KIAA1614: variants seen among roughly 807,000 people sequenced by gnomAD.
KIAA1614 encodes KIAA1614, also known as uncharacterized protein KIAA1614.
Under a neutral mutation model 88.7 loss-of-function variants are expected in KIAA1614, and 76 were observed. The ratio of observed to expected loss-of-function variants is 0.86; its 90% CI spans 0.71 to 1.04. The LOEUF (loss-of-function observed/expected upper bound fraction) is 1.04, where lower values mean the gene tolerates loss of function less well. Among genes scored for constraint, KIAA1614 ranks in the 50% least tolerant of loss-of-function variants. The pLI, the probability that KIAA1614 is intolerant of heterozygous loss-of-function variation, is 0.00. For missense variants in KIAA1614, 1,553 were observed against 1,582.5 expected (o/e 0.98, Z 0.32); for synonymous variants, 714 against 675.5 (o/e 1.06, Z -0.88).
chr1:180,931,738 A>T (rs1019777060), intron 4 of KIAA1614, among the ~76,000 whole-genome samples: 1 of 152,254 alleles, frequency 6.6e-6, no homozygotes, highest in Non-Finnish European at 1.5e-5. Flanking sequence ...AGTTAAGACC[A>T]CTGATGTGGC....
intron 1 of KIAA1614, among the ~76,000 whole-genome samples, chr1:180,915,663 G>A (rs3908047): frequency 0.055 from 8,363 of 152,120 alleles, 318 homozygotes; most frequent in Non-Finnish European, 0.077. Flanking sequence ...CCCAACCCCC[G>A]GGGCCACGAA....
intron 2 of KIAA1614, among the ~76,000 whole-genome samples, chr1:180,917,398 T>C (rs1427106330): frequency 6.6e-6 from 1 of 152,134 alleles, no homozygotes; most frequent in Non-Finnish European, 1.5e-5. Flanking sequence ...CTTGGATTCC[T>C]TTCCGGAGTG....
At position 180,935,037 on chromosome 1, in the gene KIAA1614, G is replaced by A; in HGVS notation, c.1206-78G>A. ...ACGGTGGGAGACTGTAGCCCAGGGT[G>A]GAGAGGGTAGGGCCGATGCGTGTCC... On this transcript the variant is annotated intron_variant, in intron 4 of 8. Transcript: ENST00000367588. This position sits in a 1 kb window ranked among gnomAD's most constrained non-coding sequence, Gnocchi z 6.1. 2.0e-6 allele frequency: 2 copies of A among 1,024,388 alleles called. No homozygotes were observed. The highest frequency in any genetic ancestry group is 1.3e-6 in the Non-Finnish European group (1 of 775,550). The allele number at this position is 1,024,388 out of a possible 1,614,324, so 63.5% of individuals were successfully genotyped here.
In KIAA1614 at chr1:180,935,914, T is replaced by A. The variant is rs780530111; in HGVS notation, c.2005T>A (p.Trp669Arg). 1 of 1,613,960 alleles carries A rather than the reference T, an allele frequency of 6.2e-7. No individual in the cohort carries two copies. Among genetic ancestry groups the A allele is most frequent in the Admixed American group, 1.7e-5 (1 of 60,032 alleles). ...CAAGAAGGCTGAGGCGGAGCTCCCT[T>A]GGGGCCTTCAGGCCCAGCAACACCT... ...WSKKAEAELP[W>R]GLQAQQHLPR... is the part of the protein sequence containing the mutation. The change falls in exon 5 of 9, where the codon TGG (tryptophan) becomes AGG (arginine). Residue 669 changes from tryptophan (W) to arginine (R), a missense_variant. Transcript: ENST00000367588. The surrounding 1 kb of genome is among the most constrained non-coding windows in gnomAD (Gnocchi z 6.1).
Position 180,917,859 on chromosome 1 carries a change from G to A in KIAA1614, c.1006G>A (p.Val336Met), listed in dbSNP as rs975593870. Reference protein sequence around the residue: ...SWDTAAPERPVGDVDWASGTS... With the variant: ...SWDTAAPERPMGDVDWASGTS... ...TCTGTTCTGGATCCTAGAGCGACCA[G>A]TGGGGGATGTGGACTGGGCCTCGGG... Residue 336 changes from valine (V) to methionine (M), a missense_variant, in exon 3 of 9, where the codon GTG becomes ATG. Coordinates refer to ENST00000367588, the MANE Select transcript of KIAA1614 (RefSeq NM_020950.2). The A allele has an allele frequency of 1.2e-6, 2 of 1,614,016 alleles. No homozygotes were observed. The highest frequency in any genetic ancestry group is 1.7e-6 in the Non-Finnish European group (2 of 1,179,960).
rs2102272820 is a variant in KIAA1614 at position 180,938,687 on chromosome 1, G to C, written c.2894G>C (p.Gly965Ala). ...GGAAGCCTGCAGAGGACAGGGTCAG[G>C]ATCTGGAGGACATGTGCTGTCAAGG... is the stretch of plus-strand genomic sequence containing the variant. ...SEGSLQRTGS[G>A]SGGHVLSRAS... Residue 965 changes from glycine (G) to alanine (A), a missense_variant, in exon 6 of 9, where the codon GGA (glycine) becomes GCA (alanine). Coordinates refer to ENST00000367588, the MANE Select transcript of KIAA1614 (RefSeq NM_020950.2). The C allele has an allele frequency of 1.2e-6, 2 of 1,614,114 alleles. No homozygotes were observed. The highest frequency in any genetic ancestry group is 8.5e-7 in the Non-Finnish European group (1 of 1,179,974).
At chr1:180,913,365 G>A (rs1329796932) in intron 1 of KIAA1614, 72 bp downstream of exon 1, 4 of 1,041,560 alleles carry the variant, frequency 3.8e-6, no homozygotes, top group South Asian at 4.8e-5. Context: ...GGAGCGGGGA[G>A]CCCAGGTCGC....
rs576757366 is a variant in KIAA1614 at position 180,913,232 on chromosome 1, C to A, written c.-12C>A. On this transcript the variant is annotated 5_prime_UTR_variant, in exon 1 of 9. Transcript: ENST00000367588. ...GGAGAAGGGGCTGGAGAGGGCCTGG[C>A]CTCTCCGAGGGATGGAGGGGACAGA... The A allele has an allele frequency of 2.4e-6, 3 of 1,263,260 alleles. No homozygotes were observed. The Admixed American group carries it at 1.2e-4, about 52-fold the overall frequency. The allele number at this position is 1,263,260 out of a possible 1,614,324, so 78.3% of individuals were successfully genotyped here. A position where few individuals can be genotyped will look rare whatever the true frequency, so the allele number is the denominator to read the frequency against.
intron 3 of KIAA1614, among the ~76,000 whole-genome samples, chr1:180,926,638 T>C (rs1407603945): frequency 6.6e-6 from 1 of 152,242 alleles, no homozygotes; most frequent in African/African-American, 2.4e-5. Flanking sequence ...TTGTGACAAA[T>C]GCCCTCTGAC....
chr1:180,936,747 A>C, intron 5 of KIAA1614, 77 bp downstream of exon 5: 1 of 939,596 alleles, frequency 1.1e-6, no homozygotes, highest in Non-Finnish European at 1.5e-6. Context: ...CCAATCCATG[A>C]CACACAGGCC....
intron 3 of KIAA1614, among the ~76,000 whole-genome samples, chr1:180,919,641 T>C (rs1319771779): frequency 6.6e-6 from 1 of 152,142 alleles, no homozygotes; most frequent in Non-Finnish European, 1.5e-5. Context: ...CACTGGGGAT[T>C]CTGCTCAGTG....
chr1:180,940,188 C>T (rs1340018349), intron 6 of KIAA1614, among the ~76,000 whole-genome samples: 5 of 152,220 alleles, frequency 3.3e-5, no homozygotes, highest in African/African-American at 4.8e-5. Flanking sequence ...GAGGCTGACA[C>T]ATAGTAGGTC....
intron 3 of KIAA1614, among the ~76,000 whole-genome samples, chr1:180,920,113 G>A (rs574026370): frequency 1.3e-5 from 2 of 152,266 alleles, no homozygotes; most frequent in South Asian, 2.1e-4. Flanking sequence ...CTGAGTAGAC[G>A]CCCAGGCTAT....
chr1:180,921,495 A>C (rs1385244237), intron 3 of KIAA1614, among the ~76,000 whole-genome samples: 1 of 152,078 alleles, frequency 6.6e-6, no homozygotes, highest in East Asian at 1.9e-4. Context: ...TCTAGCTGCC[A>C]AGTATTGGAG....
chr1:180,940,765 T>C (rs1166759280), intron 6 of KIAA1614, among the ~76,000 whole-genome samples: 1 of 151,702 alleles, frequency 6.6e-6, no homozygotes, highest in African/African-American at 2.4e-5. Context: ...CCAGGTTGAG[T>C]GCAGTGGCGT....
intron 6 of KIAA1614, 33 bp from the exon 7 acceptor site, chr1:180,941,012 C>A: frequency 2.5e-6 from 3 of 1,199,046 alleles, no homozygotes; most frequent in Non-Finnish European, 3.4e-6. Flanking sequence ...CCCGGCCCTC[C>A]CCCGCCCCCT....
intron 1 of KIAA1614, 120 bp from the exon 2 acceptor site, chr1:180,916,034 C>G: frequency 1.7e-6 from 1 of 594,244 alleles, no homozygotes; most frequent in East Asian, 2.8e-5. Context: ...ATCCCCTGCT[C>G]TGTCTCCAGG....
chr1:180,916,225 A>G lies in KIAA1614; in HGVS notation c.122A>G (p.Glu41Gly). The G allele has an allele frequency of 1.9e-6, 3 of 1,613,106 alleles. No homozygotes were observed. The highest frequency in any genetic ancestry group is 2.5e-6 in the Non-Finnish European group (3 of 1,179,840). ...TCAGCTGTGGAGTGGAGTGGTCCTG[A>G]GCCACAGCTGGATAACGGACACCCC... The part of the protein sequence containing the change: ...GTSAVEWSGP[E>G]PQLDNGHPPR... Residue 41 changes from glutamate to glycine, a missense_variant, in exon 2 of 9, where the codon GAG becomes GGG. Transcript: ENST00000367588.
In KIAA1614 at chr1:180,950,635, C is replaced by T; in HGVS notation, c.*5047C>T. On this transcript the variant is annotated 3_prime_UTR_variant, in exon 9 of 9. Transcript: ENST00000367588. ...GCACAGAGCTGCTCTGTGGCGGAAACAGATCCTGGCAGCATCTAACCCCTT... is the reference window on the plus strand; with the variant it reads ...GCACAGAGCTGCTCTGTGGCGGAAATAGATCCTGGCAGCATCTAACCCCTT... 1 of 555,334 alleles carries T rather than the reference C, an allele frequency of 1.8e-6. No homozygotes were observed. The highest frequency in any genetic ancestry group is 6.7e-5 in the South Asian group (1 of 14,848). 34.4% of individuals were successfully genotyped at this position (555,334 alleles called of 1,614,324 possible).
Sources: allele counts gnomAD v4.1 joint callset (sites outside exome capture counted in the v4.1 genomes callset), GRCh38; gene constraint gnomAD v4.1.1; non-coding constraint Gnocchi (gnomAD v3.1); transcripts MANE v1.5; gene names NCBI Gene and HGNC (gene_info 2026-07-23, HGNC 2026-07-21).